The following PIP5K1A variants were observed in gnomAD, a reference collection of about 807,000 sequenced individuals.
PIP5K1A encodes the protein phosphatidylinositol-4-phosphate 5-kinase type 1 alpha.
PIP5K1A carries 46 observed loss-of-function variants against 72.9 expected under a neutral mutation model. The observed-to-expected ratio is 0.63, with a 90% confidence interval of 0.50 to 0.81. The LOEUF is 0.81. PIP5K1A is among the 30% of genes least tolerant of loss of function. PIP5K1A has a pLI of 0.00. For synonymous variants in PIP5K1A, 228 were observed against 255.1 expected, an observed-to-expected ratio of 0.89 and a Z score of 1.01; for missense variants, 458 against 706.1, an observed-to-expected ratio of 0.65 and a Z score of 3.98.
At chr1:151,227,052 C>T (rs1689251123) in intron 3 of PIP5K1A, among the ~76,000 whole-genome samples, 1 of 152,094 alleles carries the variant, frequency 6.6e-6, no homozygotes, top group South Asian at 2.1e-4. Flanking sequence ...TAAAAATACT[C>T]ACTTTTATTT....
At chr1:151,227,895 A>G (rs1689390599) in intron 4 of PIP5K1A, among the ~76,000 whole-genome samples, 1 of 152,112 alleles carries the variant, frequency 6.6e-6, no homozygotes, top group East Asian at 1.9e-4. Context: ...TCTCAAAAGA[A>G]AAAAAAATTA....
intron 1 of PIP5K1A, among the ~76,000 whole-genome samples, chr1:151,213,258 T>C (rs936984393): frequency 2.6e-5 from 4 of 152,162 alleles, no homozygotes; most frequent in Non-Finnish European, 4.4e-5. Context: ...GGCTACCTTA[T>C]AGGCAGTGTG....
chr1:151,214,912 T>C lies in PIP5K1A; in HGVS notation c.86-9333T>C, dbSNP rs587718274. Among the ~76,000 whole-genome samples, 13 of 151,888 alleles carry C rather than the reference T, an allele frequency of 8.6e-5. No homozygotes were observed. The South Asian group carries it at 2.5e-3, about 29-fold the overall frequency. ...TTTGTATTTTTAGTGGAGACCAGTT[T>C]TCACCATGTTGCCCAGGCTGGTCTC... On this transcript the variant is annotated intron_variant, in intron 1 of 15. Transcript: ENST00000368888.
rs1684778663 is a variant in PIP5K1A at position 151,198,754 on chromosome 1, G to A, written c.-243G>A. ...GTGAAAGGGGAAAGTATCCCCTGTGGAAAGCGGTTAAACTTGTGGAGGGGG... is the reference window on the plus strand; with the variant it reads ...GTGAAAGGGGAAAGTATCCCCTGTGAAAAGCGGTTAAACTTGTGGAGGGGG... On this transcript the variant is annotated 5_prime_UTR_variant, in exon 1 of 16. Coordinates refer to ENST00000368888, the MANE Select transcript of PIP5K1A (RefSeq NM_001135638.2). 5.1e-6 allele frequency: 3 copies of A among 593,314 alleles called. No individual in the cohort carries two copies. Among genetic ancestry groups the A allele is most frequent in the Non-Finnish European group, 9.1e-6 (3 of 331,360 alleles). 36.8% of individuals were successfully genotyped at this position (593,314 alleles called of 1,614,324 possible).
chr1:151,248,417 AAG>A lies in PIP5K1A; in HGVS notation c.*553_*554del, dbSNP rs56259958. ...TTTTTTTTTTTCTGAAAAAAGGAAA[AAG>A]CACACAGCACACAATTTCAAGCCAT... On this transcript the variant is annotated 3_prime_UTR_variant, in exon 16 of 16. Coordinates refer to ENST00000368888, the MANE Select transcript of PIP5K1A (RefSeq NM_001135638.2). 0.64 allele frequency: 97,483 copies of A among 151,678 alleles called. 31,670 individuals carry two copies. Among genetic ancestry groups the A allele is most frequent in the Non-Finnish European group, 0.7 (47,429 of 67,984 alleles). The allele number at this position is 151,678 out of a possible 1,614,324, so 9.4% of individuals were successfully genotyped here.
intron 7 of PIP5K1A, among the ~76,000 whole-genome samples, chr1:151,233,122 T>C (rs1032889138): frequency 2.7e-4 from 40 of 150,876 alleles, no homozygotes; most frequent in African/African-American, 9.2e-4. Context: ...AAAAAAATGT[T>C]GTTCAGTTTT....
intron 1 of PIP5K1A, chr1:151,199,285 G>A (rs1684862254): frequency 1.8e-6 from 2 of 1,110,986 alleles, no homozygotes; most frequent in Admixed American, 2.8e-5. Context: ...GAAAACTTTG[G>A]TTGTCTTTGA....
intron 5 of PIP5K1A, 150 bp downstream of exon 5, chr1:151,231,951 C>T (rs759482732): frequency 5.9e-5 from 45 of 759,050 alleles, no homozygotes; most frequent in Non-Finnish European, 8.7e-5. Flanking sequence ...CTAGAGAGTT[C>T]GGAGAGCAGA....
Position 151,225,642 on chromosome 1 carries a change from G to A in PIP5K1A, c.156+1236G>A, listed in dbSNP as rs187420553. Reference sequence around the variant, plus strand: ...ACGCCACCATGCCCGCCTAATTTTTGTATTTTTAGTAGAGGCAGGGTTTCA... The same window carrying A: ...ACGCCACCATGCCCGCCTAATTTTTATATTTTTAGTAGAGGCAGGGTTTCA... On this transcript the variant is annotated intron_variant, in intron 3 of 15. Transcript: ENST00000368888. Among the ~76,000 whole-genome samples the A allele has an allele frequency of 4.5e-3, 685 of 150,618 alleles. 6 individuals are homozygous for A. The highest frequency in any genetic ancestry group is 0.016 in the African/African-American group (650 of 40,968).
intron 15 of PIP5K1A, among the ~76,000 whole-genome samples, chr1:151,247,266 C>T (rs1387019938): frequency 2.0e-5 from 3 of 151,770 alleles, no homozygotes; most frequent in African/African-American, 7.3e-5. Flanking sequence ...GTAGCTGGGA[C>T]TACAGGTGCG....
At position 151,198,972 on chromosome 1, in the gene PIP5K1A, C is replaced by G; in HGVS notation, c.-25C>G. 6.2e-7 allele frequency: 1 copy of G among 1,608,042 alleles called. No homozygotes were observed. Among genetic ancestry groups the G allele is most frequent in the South Asian group, 1.1e-5 (1 of 90,984 alleles). On this transcript the variant is annotated 5_prime_UTR_variant, in exon 1 of 16. Transcript: ENST00000368888. Reference sequence around the variant, plus strand: ...GAACCGGATTGAAAGAGAGCCAGGCCGCTGAGGGGGAGGGGGCTGCTAAGA... The same window carrying G: ...GAACCGGATTGAAAGAGAGCCAGGCGGCTGAGGGGGAGGGGGCTGCTAAGA...
chr1:151,246,780 C>T (rs1447238100), intron 14 of PIP5K1A, 140 bp from the exon 15 acceptor site: 4 of 607,566 alleles, frequency 6.6e-6, no homozygotes, highest in African/African-American at 1.9e-5. Flanking sequence ...AATCTAGTAG[C>T]TTCTCAGCCT....
At chr1:151,246,838 A>C (rs587754841) in intron 14 of PIP5K1A, 82 bp from the exon 15 acceptor site, 1 of 953,084 alleles carries the variant, frequency 1.0e-6, no homozygotes, top group South Asian at 1.4e-5. Flanking sequence ...TTAGAGAAGC[A>C]GTATGAGATT....
At position 151,247,478 on chromosome 1, in the gene PIP5K1A, T is replaced by C. The variant is rs587697493; in HGVS notation, c.1687-385T>C. 2.2e-4 allele frequency among the ~76,000 whole-genome samples: 34 copies of C among 152,054 alleles called. No homozygotes were observed. The East Asian group carries it at 5.4e-3, about 24-fold the overall frequency. The stretch of plus-strand genomic sequence containing the variant: ...TCTTGCTCTGTCACCCAGGCTGGAG[T>C]GCAGTGGCGCGATCTCGGCTCACTG... On this transcript the variant is annotated intron_variant, in intron 15 of 15. Coordinates refer to ENST00000368888, the MANE Select transcript of PIP5K1A (RefSeq NM_001135638.2).
intron 1 of PIP5K1A, 113 bp from the exon 2 acceptor site, chr1:151,224,132 G>A: frequency 2.1e-6 from 2 of 930,990 alleles, no homozygotes; most frequent in South Asian, 1.3e-5. Flanking sequence ...CTGAGCAAGA[G>A]GCAGGAGTTT....
intron 14 of PIP5K1A, among the ~76,000 whole-genome samples, chr1:151,245,346 T>C (rs1404322908): frequency 6.6e-6 from 1 of 152,142 alleles, no homozygotes; most frequent in Non-Finnish European, 1.5e-5. Context: ...CCAATAAAAT[T>C]TTTCTCACTT....
chr1:151,213,185 G>A (rs587675512), intron 1 of PIP5K1A, among the ~76,000 whole-genome samples: 14 of 152,232 alleles, frequency 9.2e-5, no homozygotes, highest in African/African-American at 3.1e-4. Flanking sequence ...AACCGCGCCC[G>A]GCCTGCCTTT....
chr1:151,215,124 G>A (rs1339792256), intron 1 of PIP5K1A, among the ~76,000 whole-genome samples: 1 of 149,626 alleles, frequency 6.7e-6, no homozygotes, highest in African/African-American at 2.5e-5. Flanking sequence ...TCCGCCTCCC[G>A]GGTTCAAGCG....
intron 1 of PIP5K1A, among the ~76,000 whole-genome samples, chr1:151,215,197 A>G (rs587629499): frequency 1.4e-5 from 2 of 146,496 alleles, no homozygotes; most frequent in South Asian, 2.1e-4. Flanking sequence ...TGCCATGCTA[A>G]TTGGTTTTTT....
Sources: gnomAD v4.1 joint callset for allele counts (sites outside exome capture counted in the v4.1 genomes callset) on GRCh38, gnomAD v4.1.1 for gene constraint, MANE v1.5 for transcripts, NCBI Gene and HGNC (gene_info 2026-07-23, HGNC 2026-07-21) for gene names.